TCF12: variants seen among roughly 807,000 people sequenced by gnomAD.
TCF12 encodes the protein DNA-binding protein HTF4.
TCF12 carries 45 observed loss-of-function variants against 86.0 expected under a neutral mutation model. The observed-to-expected ratio is 0.52, with a 90% CI of 0.41 to 0.67. TCF12 has a LOEUF of 0.67. TCF12 is among the 30% of genes least tolerant of loss of function. TCF12 has a pLI of 0.00. For missense variants in TCF12, 881 were observed against 859.9 expected (o/e 1.02, Z -0.31); for synonymous variants, 330 against 299.6 (o/e 1.10, Z -1.05).
chr15:57,252,927 CTTT>C (rs57946842), intron 15 of TCF12, among the ~76,000 whole-genome samples: 4,083 of 89,826 alleles, frequency 0.045, 180 homozygotes, highest in African/African-American at 0.15. Context: ...ATAGGTTGTA[CTTT>C]TTTTTTTTTT....
intron 5 of TCF12, among the ~76,000 whole-genome samples, chr15:57,160,248 A>G (rs1239372928): frequency 7.2e-5 from 11 of 152,216 alleles, no homozygotes; most frequent in African/African-American, 2.4e-4. Flanking sequence ...AGGCCTCAGG[A>G]AACTTAAATC....
chr15:56,936,828 T>TG (rs2060489904), intron 3 of TCF12, among the ~76,000 whole-genome samples: 1 of 152,188 alleles, frequency 6.6e-6, no homozygotes, highest in Non-Finnish European at 1.5e-5. Context: ...GTTCCATTGG[T>TG]CTGTGTGCTT....
At chr15:57,195,830 C>A (rs1293763521) in intron 7 of TCF12, among the ~76,000 whole-genome samples, 1 of 152,088 alleles carries the variant, frequency 6.6e-6, no homozygotes, top group African/African-American at 2.4e-5. Flanking sequence ...TAGTGAAACA[C>A]CTCTCTACAA....
At chr15:56,994,754 C>T (rs1596013756) in intron 3 of TCF12, among the ~76,000 whole-genome samples, 1 of 151,822 alleles carries the variant, frequency 6.6e-6, no homozygotes, top group Non-Finnish European at 1.5e-5. Context: ...GGGCATTTTC[C>T]GGTAAAGGAA....
At chr15:57,275,440 C>T (rs1420619337) in intron 19 of TCF12, among the ~76,000 whole-genome samples, 2 of 62,750 alleles carry the variant, frequency 3.2e-5, no homozygotes, top group South Asian at 5.3e-4. Flanking sequence ...TAGGCCTGAG[C>T]CACCATGCCT....
chr15:57,253,397 G>A lies in TCF12; in HGVS notation c.1396G>A (p.Ala466Thr), dbSNP rs1331384593. 13 of 1,613,942 alleles carry A rather than the reference G, an allele frequency of 8.1e-6. No individual in the cohort carries two copies. The highest frequency in any genetic ancestry group is 2.7e-5 in the African/African-American group (2 of 74,906). Residue 466 changes from alanine to threonine, a missense_variant, in exon 16 of 21, where the codon GCA becomes ACA. Physicochemically the swap from Ala to Thr is moderately conservative, Grantham distance 58. Around this residue, in one of 3 missense-constraint regions of TCF12, gnomAD observed 766 missense variants for 718.9 expected, o/e 1.07. Coordinates refer to ENST00000333725, the MANE Select transcript of TCF12 (RefSeq NM_207037.2). Reference protein sequence around the residue: ...IHSLLGPSHNAPIGSLNSNYG... With the variant: ...IHSLLGPSHNTPIGSLNSNYG... ...TAGTTTATTGGGACCATCCCATAAT[G>A]CACCAATTGGAAGCCTCAATTCAAA... is the stretch of plus-strand genomic sequence containing the variant.
intron 5 of TCF12, among the ~76,000 whole-genome samples, chr15:57,126,778 A>G (rs1458448268): frequency 6.6e-6 from 1 of 152,068 alleles, no homozygotes; most frequent in Non-Finnish European, 1.5e-5. Flanking sequence ...CTACATGTTA[A>G]TGTTTAATGG....
intron 8 of TCF12, among the ~76,000 whole-genome samples, chr15:57,225,892 G>T (rs1216640395): frequency 6.6e-6 from 1 of 150,866 alleles, no homozygotes; most frequent in Non-Finnish European, 1.5e-5. Flanking sequence ...TAAGTTTTAG[G>T]GTACATGTGC....
chr15:56,993,900 C>T (rs777928767), intron 3 of TCF12, among the ~76,000 whole-genome samples: 3 of 152,170 alleles, frequency 2.0e-5, no homozygotes, highest in Admixed American at 6.5e-5. Flanking sequence ...TTTCAACTCA[C>T]ATGAGAAGAG....
chr15:57,087,750 G>A (rs967330571), intron 4 of TCF12, among the ~76,000 whole-genome samples: 9 of 152,068 alleles, frequency 5.9e-5, no homozygotes, highest in African/African-American at 1.9e-4. Context: ...AATATCTTGA[G>A]TGCTTTCCAT....
At chr15:56,962,638 T>A (rs1037599918) in intron 3 of TCF12, among the ~76,000 whole-genome samples, 6 of 152,130 alleles carry the variant, frequency 3.9e-5, no homozygotes, top group Non-Finnish European at 7.4e-5. Flanking sequence ...TGCTTCCAAT[T>A]AGTGATGTAA....
intron 8 of TCF12, among the ~76,000 whole-genome samples, chr15:57,211,821 G>C (rs995535656): frequency 2.0e-5 from 3 of 152,204 alleles, no homozygotes; most frequent in Non-Finnish European, 4.4e-5. Context: ...GGGTGTGGTA[G>C]CACACGCCTG....
At chr15:57,282,902 A>G (rs2061758255) in intron 20 of TCF12, among the ~76,000 whole-genome samples, 1 of 152,208 alleles carries the variant, frequency 6.6e-6, no homozygotes, top group South Asian at 2.1e-4. Context: ...AAATAGTACA[A>G]TGACTCAACC....
intron 4 of TCF12, among the ~76,000 whole-genome samples, chr15:57,090,076 T>C: frequency 6.6e-6 from 1 of 151,880 alleles, no homozygotes; most frequent in African/African-American, 2.4e-5. Context: ...ATTGATTGGG[T>C]GTGGTGGTGC....
intron 3 of TCF12, among the ~76,000 whole-genome samples, chr15:57,051,219 T>C (rs1469274534): frequency 2.0e-5 from 3 of 152,224 alleles, no homozygotes; most frequent in Admixed American, 2.0e-4. Flanking sequence ...TTACCAAGCC[T>C]TTCTAGTTAG....
intron 3 of TCF12, among the ~76,000 whole-genome samples, chr15:56,977,184 A>G (rs1166218390): frequency 6.6e-6 from 1 of 152,204 alleles, no homozygotes; most frequent in Admixed American, 6.5e-5. Flanking sequence ...CAAAATCAAG[A>G]TGTTGCAAGG....
chr15:56,991,979 G>C (rs1166246896), intron 3 of TCF12, among the ~76,000 whole-genome samples: 1 of 151,970 alleles, frequency 6.6e-6, no homozygotes, highest in Non-Finnish European at 1.5e-5. Flanking sequence ...CCTATGCCAG[G>C]CACAGTAGCT....
chr15:56,938,456 G>A (rs1482859482), intron 3 of TCF12, among the ~76,000 whole-genome samples: 1 of 152,118 alleles, frequency 6.6e-6, no homozygotes, highest in Non-Finnish European at 1.5e-5. Flanking sequence ...ACCGTGTCTG[G>A]CCTGTAGTTT....
At chr15:56,961,089 G>C (rs2543678) in intron 3 of TCF12, among the ~76,000 whole-genome samples, 2 of 145,380 alleles carry the variant, frequency 1.4e-5, no homozygotes, top group Non-Finnish European at 3.0e-5. Flanking sequence ...GCAGTAGGCC[G>C]AGATCCCACC....
Sources: allele counts gnomAD v4.1 joint callset (sites outside exome capture counted in the v4.1 genomes callset), GRCh38; gene constraint gnomAD v4.1.1; regional missense constraint gnomAD v4.1.1; transcripts MANE v1.5; gene names NCBI Gene and HGNC (gene_info 2026-07-23, HGNC 2026-07-21).